PRH1: variants seen among roughly 807,000 people sequenced by gnomAD.
The protein encoded by PRH1 is salivary acidic proline-rich phosphoprotein 1/2.
In PRH1, 7 loss-of-function variants were observed where a neutral mutation model predicts 7.9. The observed-to-expected ratio is 0.89, with a 90% confidence interval of 0.50 to 1.67. PRH1 has a LOEUF of 1.67. PRH1 is among the 40% of genes most tolerant of loss of function. PRH1 has a pLI of 0.00. For missense variants in PRH1, 109 were observed against 223.6 expected (o/e 0.49, Z 3.27); for synonymous variants, 45 against 80.8 (o/e 0.56, Z 2.38).
At chr12:11,136,020 T>C (rs1946540269) in intron 1 of PRH1, among the ~76,000 whole-genome samples, 1 of 152,194 alleles carries the variant, frequency 6.6e-6, no homozygotes, top group Non-Finnish European at 1.5e-5. Context: ...GTAACCATTA[T>C]GTGGAGCAAG....
At chr12:10,946,685 G>C (rs535854794) in intron 2 of PRH1, among the ~76,000 whole-genome samples, 1 of 151,902 alleles carries the variant, frequency 6.6e-6, no homozygotes, top group African/African-American at 2.4e-5. Context: ...CTAGCTTCGG[G>C]GTTGATTTGT....
intron 1 of PRH1, among the ~76,000 whole-genome samples, chr12:11,053,503 A>AACTAC (rs141673723): frequency 6.8e-6 from 1 of 147,824 alleles, no homozygotes; most frequent in Admixed American, 6.8e-5. Flanking sequence ...ATGTATTTTA[A>AACTAC]ACTACACTAC....
upstream of PRH1, among the ~76,000 whole-genome samples, chr12:11,051,718 G>A (rs1030998463): frequency 7.7e-5 from 10 of 130,492 alleles, no homozygotes; most frequent in African/African-American, 2.7e-4. Context: ...TGGTCTGCTT[G>A]GAACTCTGTA....
intron 1 of PRH1, chr12:11,091,418 T>C (rs201618803): frequency 0.029 from 29,486 of 1,031,100 alleles, 7,410 homozygotes; most frequent in Admixed American, 0.064. Flanking sequence ...GATTGAAGGA[T>C]AGCTGAATCT....
intron 1 of PRH1, among the ~76,000 whole-genome samples, chr12:11,109,429 C>T (rs1470716930): frequency 1.3e-5 from 2 of 152,164 alleles, no homozygotes; most frequent in Non-Finnish European, 2.9e-5. Context: ...CTCTGCCTGA[C>T]ATCTGGCGGG....
Position 10,943,325 on chromosome 12 carries a change from A to ATC in PRH1, c.-59+30328_-59+30329dup, listed in dbSNP as rs547479810. ...GGTTTTGATTTGGATTTCTCTAATG[A>ATC]TCAGTGATGTTAAGTTTTTATTCAC... On this transcript the variant is annotated intron_variant, in intron 2 of 3. Transcript: ENST00000539853. Among the ~76,000 whole-genome samples the ATC allele has an allele frequency of 2.3e-3, 351 of 152,156 alleles. 2 individuals are homozygous for ATC. The highest frequency in any genetic ancestry group is 8.1e-3 in the African/African-American group (336 of 41,494).
intron 1 of PRH1, chr12:11,134,027 G>A: frequency 1.2e-6 from 2 of 1,614,028 alleles, no homozygotes; most frequent in South Asian, 2.2e-5. Flanking sequence ...ATAAAAAGCT[G>A]GATTCAACTG....
intron 1 of PRH1, chr12:11,133,682 A>T (rs753468736): frequency 2.5e-6 from 4 of 1,614,082 alleles, no homozygotes; most frequent in Non-Finnish European, 3.4e-6. Context: ...GGTCAGAGTG[A>T]GGGGTACAAA....
At chr12:11,151,843 C>T (rs1159091623) in intron 1 of PRH1, among the ~76,000 whole-genome samples, 1 of 151,550 alleles carries the variant, frequency 6.6e-6, no homozygotes, top group Non-Finnish European at 1.5e-5. Flanking sequence ...ATATTATTTC[C>T]CTCTTAAATC....
chr12:11,102,124 A>G (rs944553119), intron 1 of PRH1, among the ~76,000 whole-genome samples: 2 of 152,164 alleles, frequency 1.3e-5, no homozygotes, highest in African/African-American at 4.8e-5. Context: ...TCCCAAGGTA[A>G]TTTATAGATT....
upstream of PRH1, among the ~76,000 whole-genome samples, chr12:10,884,887 C>T (rs2135783137): frequency 6.6e-6 from 1 of 152,284 alleles, no homozygotes; most frequent in East Asian, 1.9e-4. Flanking sequence ...TCTCACTACA[C>T]TCAGGCAAGC....
chr12:11,059,681 T>TATCACTATATATA (rs1943506075), intron 1 of PRH1, among the ~76,000 whole-genome samples: 2 of 149,004 alleles, frequency 1.3e-5, no homozygotes, highest in Non-Finnish European at 1.5e-5. Flanking sequence ...CAAGACTATA[T>TATCACTATATATA]TATTGTCATA....
chr12:10,915,833 C>A (rs1421575405), intron 2 of PRH1, among the ~76,000 whole-genome samples: 1 of 152,176 alleles, frequency 6.6e-6, no homozygotes, highest in Non-Finnish European at 1.5e-5. Flanking sequence ...GCATCCCCAT[C>A]GCGTTCCCTC....
At chr12:11,060,950 T>C (rs1398619330) in intron 1 of PRH1, among the ~76,000 whole-genome samples, 3 of 152,274 alleles carry the variant, frequency 2.0e-5, no homozygotes, top group Non-Finnish European at 4.4e-5. Context: ...GTGGTTCAAA[T>C]AACAATAGAA....
chr12:10,945,526 A>G (rs149174484), intron 2 of PRH1, among the ~76,000 whole-genome samples: 3,008 of 152,246 alleles, frequency 0.02, 36 homozygotes, highest in South Asian at 0.031. Flanking sequence ...GGTCACAGAG[A>G]TCACATGCTT....
At chr12:11,133,123 AC>A in intron 1 of PRH1, 1 of 762,028 alleles carries the variant, frequency 1.3e-6, no homozygotes, top group Non-Finnish European at 1.9e-6. Context: ...TTTTTCATAC[AC>A]ACACACACAC....
chr12:11,134,660 A>T (rs972453638), intron 1 of PRH1: 1 of 184,516 alleles, frequency 5.4e-6, no homozygotes, highest in Non-Finnish European at 1.1e-5. Context: ...TTGCTTGGGA[A>T]GTTTTATAAC....
Position 10,900,406 on chromosome 12 carries a change from T to C in PRH1, c.-58-16131A>G, listed in dbSNP as rs148477190. 2.2e-3 allele frequency among the ~76,000 whole-genome samples: 332 copies of C among 152,320 alleles called. 3 individuals carry two copies. Among genetic ancestry groups the C allele is most frequent in the Middle Eastern group, 0.01 (3 of 294 alleles). On this transcript the variant is annotated intron_variant, in intron 2 of 3. Transcript: ENST00000539853. ...TTTAATTCAGATGCCACAAAGTCAA[T>C]CATTCTTTGGTAACTAAGCAGCGTA...
intron 1 of PRH1, among the ~76,000 whole-genome samples, chr12:10,990,459 G>A (rs1286240654): frequency 1.3e-5 from 2 of 152,196 alleles, no homozygotes; most frequent in Non-Finnish European, 2.9e-5. Context: ...ATTACACAAA[G>A]TCCAGTGTTG....
Sources: allele counts gnomAD v4.1 joint callset (sites outside exome capture counted in the v4.1 genomes callset), GRCh38; gene constraint gnomAD v4.1.1; transcripts MANE v1.5; gene names NCBI Gene and HGNC (gene_info 2026-07-23, HGNC 2026-07-21).